TMEM26: variants seen among roughly 807,000 people sequenced by gnomAD.
TMEM26 encodes transmembrane protein 26.
In TMEM26, 38 loss-of-function variants were observed where a neutral mutation model predicts 28.8. The ratio of observed to expected loss-of-function variants is 1.32; its 90% CI spans 1.02 to 1.73. TMEM26 has a LOEUF of 1.73. Ranked by LOEUF, TMEM26 falls within the 40% of genes most tolerant of loss-of-function variation. TMEM26 has a pLI of 0.00. For synonymous variants in TMEM26, 227 were observed against 182.9 expected, an observed-to-expected ratio of 1.24 and a Z score of -1.95; for missense variants, 518 against 447.1, an observed-to-expected ratio of 1.16 and a Z score of -1.43.
intron 2 of TMEM26, among the ~76,000 whole-genome samples, chr10:61,434,662 T>C (rs1291213177): frequency 6.6e-6 from 1 of 152,222 alleles, no homozygotes; most frequent in Non-Finnish European, 1.5e-5. Flanking sequence ...GGATAGCCTA[T>C]ATGACTTTGG....
rs1307490182 is a variant in TMEM26 at position 61,407,973 on chromosome 10, T to C, written c.*2349A>G. 6.6e-6 allele frequency: 1 copy of C among 152,224 alleles called. No individual in the cohort carries two copies. Among genetic ancestry groups the C allele is most frequent in the Non-Finnish European group, 1.5e-5 (1 of 68,030 alleles). The allele number at this position is 152,224 out of a possible 1,614,324, so 9.4% of individuals were successfully genotyped here. On this transcript the variant is annotated 3_prime_UTR_variant, in exon 6 of 6. Transcript: ENST00000399298. ...TTACAGTATTTAGCAGTCTACGCTATGAACTGAACAAATTTGTAATATTTA... is the reference window on the plus strand; with the variant it reads ...TTACAGTATTTAGCAGTCTACGCTACGAACTGAACAAATTTGTAATATTTA...
intron 1 of TMEM26, 69 bp downstream of exon 1, chr10:61,452,822 G>A: frequency 6.6e-7 from 1 of 1,518,674 alleles, no homozygotes; most frequent in Middle Eastern, 1.8e-4. Flanking sequence ...CGGGAAGATG[G>A]CCTGCGAGTG....
At chr10:61,439,557 T>C (rs1840059232) in intron 1 of TMEM26, among the ~76,000 whole-genome samples, 1 of 152,222 alleles carries the variant, frequency 6.6e-6, no homozygotes, top group African/African-American at 2.4e-5. Context: ...CTATGAACCT[T>C]GAATTATTAT....
rs1265010555 is a variant in TMEM26, at chr10:61,410,669, G to A, written c.760C>T (p.Leu254=). The change falls in exon 6 of 6, where the codon CTG becomes TTG. Residue 254 remains leucine, a synonymous_variant. Coordinates refer to ENST00000399298, the MANE Select transcript of TMEM26 (RefSeq NM_178505.8). Reference sequence around the variant, plus strand: ...AAGACGCTGATTCCGATGTTCCACAGATCGGCACTGTACTGGCAAAAGAAC... The same window carrying A: ...AAGACGCTGATTCCGATGTTCCACAAATCGGCACTGTACTGGCAAAAGAAC... ...SLFFCQYSAD[L]WNIGISVFIQ... 2 of 1,614,048 alleles carry A rather than the reference G, an allele frequency of 1.2e-6. No individual in the cohort carries two copies. The highest frequency in any genetic ancestry group is 1.7e-6 in the Non-Finnish European group (2 of 1,180,030).
chr10:61,415,211 A>G, intron 4 of TMEM26: 1 of 953,862 alleles, frequency 1.0e-6, no homozygotes, highest in Non-Finnish European at 1.2e-6. Flanking sequence ...AGCAGCCATA[A>G]AAAAGGGCTC....
At chr10:61,429,712 C>G (rs544101594) in intron 3 of TMEM26, among the ~76,000 whole-genome samples, 1 of 151,912 alleles carries the variant, frequency 6.6e-6, no homozygotes, top group Non-Finnish European at 1.5e-5. Context: ...TATTTTTATT[C>G]TGAGTACTTA....
At chr10:61,436,110 C>A in intron 2 of TMEM26, 60 bp downstream of exon 2, 1 of 1,083,430 alleles carries the variant, frequency 9.2e-7, no homozygotes, top group South Asian at 1.4e-5. Flanking sequence ...TAAACTGGAT[C>A]ATACTGTGAA....
intron 1 of TMEM26, among the ~76,000 whole-genome samples, chr10:61,443,561 A>C (rs1840131067): frequency 6.6e-6 from 1 of 152,118 alleles, no homozygotes; most frequent in Admixed American, 6.5e-5. Flanking sequence ...ACAAGGAGGA[A>C]CTTCAAATGG....
intron 5 of TMEM26, among the ~76,000 whole-genome samples, chr10:61,412,333 C>G (rs1839581071): frequency 6.6e-6 from 1 of 151,986 alleles, no homozygotes; most frequent in African/African-American, 2.4e-5. Flanking sequence ...AAAGCCACAG[C>G]AAGTTTTTCC....
intron 5 of TMEM26, among the ~76,000 whole-genome samples, chr10:61,412,576 C>A (rs1292467259): frequency 6.6e-6 from 1 of 152,006 alleles, no homozygotes; most frequent in African/African-American, 2.4e-5. Flanking sequence ...AAGTGACATC[C>A]AGGAGAATTC....
intron 2 of TMEM26, among the ~76,000 whole-genome samples, chr10:61,434,338 AC>A (rs1191269707): frequency 1.3e-5 from 2 of 152,164 alleles, no homozygotes; most frequent in African/African-American, 4.8e-5. Context: ...TAAAAAGGGA[AC>A]TTTTGGTTGC....
At chr10:61,412,966 C>T (rs1358454191) in intron 5 of TMEM26, 2 of 1,286,812 alleles carry the variant, frequency 1.6e-6, no homozygotes, top group Non-Finnish European at 2.0e-6. Flanking sequence ...ATTTTAACTG[C>T]TCCTATGTCT....
intron 4 of TMEM26, among the ~76,000 whole-genome samples, chr10:61,416,566 G>A (rs1839655550): frequency 6.6e-6 from 1 of 152,106 alleles, no homozygotes; most frequent in African/African-American, 2.4e-5. Flanking sequence ...TATTATGGTA[G>A]ATCACTACAA....
chr10:61,410,965 A>G (rs1839559913), intron 5 of TMEM26, among the ~76,000 whole-genome samples: 1 of 152,222 alleles, frequency 6.6e-6, no homozygotes, highest in African/African-American at 2.4e-5. Context: ...AGAAAATGTA[A>G]GATCATCTAG....
Position 61,412,570 on chromosome 10 carries a change from G to A in TMEM26, c.682+889C>T, listed in dbSNP as rs117673957. Reference sequence around the variant, plus strand: ...TTCTAGAATTTCTTTGGAGTAAAGTGACATCCAGGAGAATTCTCAAATCAA... The same window carrying A: ...TTCTAGAATTTCTTTGGAGTAAAGTAACATCCAGGAGAATTCTCAAATCAA... On this transcript the variant is annotated intron_variant, in intron 5 of 5. Transcript: ENST00000399298. 4.3e-3 allele frequency among the ~76,000 whole-genome samples: 653 copies of A among 152,228 alleles called. 5 individuals carry two copies. The highest frequency in any genetic ancestry group is 5.8e-3 in the Non-Finnish European group (392 of 67,990).
chr10:61,433,853 A>G (rs1839960802), intron 2 of TMEM26, among the ~76,000 whole-genome samples: 1 of 152,210 alleles, frequency 6.6e-6, no homozygotes, highest in Non-Finnish European at 1.5e-5. Flanking sequence ...CTAGACATCC[A>G]TTAGGTTCTA....
chr10:61,429,294 C>G (rs1484027407), intron 3 of TMEM26, 148 bp from the exon 4 acceptor site: 3 of 661,022 alleles, frequency 4.5e-6, no homozygotes, highest in African/African-American at 3.6e-5. Context: ...AAGTAAAATG[C>G]CTTTCAGCTG....
rs751796679 is a variant in TMEM26 at position 61,453,143 on chromosome 10, C to G, written c.-62G>C. 14 of 1,544,342 alleles carry G rather than the reference C, an allele frequency of 9.1e-6. No individual in the cohort carries two copies. In the South Asian group the frequency reaches 1.5e-4, roughly 16 times the overall value. On this transcript the variant is annotated 5_prime_UTR_variant, in exon 1 of 6. Coordinates refer to ENST00000399298, the MANE Select transcript of TMEM26 (RefSeq NM_178505.8). ...CGCCCCCAGGACCCTGCCGGGCGTG[C>G]CCGGAGCCCACCGGTGAGCAGGAAT...
intron 4 of TMEM26, among the ~76,000 whole-genome samples, chr10:61,419,898 A>G (rs188044894): frequency 6.6e-6 from 1 of 152,302 alleles, no homozygotes; most frequent in Admixed American, 6.5e-5. Flanking sequence ...AAAGCCAAAG[A>G]GGAAAGAAAA....
Sources: gnomAD v4.1 joint callset for allele counts (sites outside exome capture counted in the v4.1 genomes callset) on GRCh38, gnomAD v4.1.1 for gene constraint, MANE v1.5 for transcripts, NCBI Gene and HGNC (gene_info 2026-07-23, HGNC 2026-07-21) for gene names.